Variants in SHOC2 observed in about 807,000 individuals in gnomAD.
SHOC2 encodes the protein SHOC2 leucine rich repeat scaffold protein.
A neutral mutation model predicts 50.2 loss-of-function variants in SHOC2; 4 were observed. That is an observed-to-expected ratio of 0.08 (90% CI 0.04 to 0.18). The LOEUF (loss-of-function observed/expected upper bound fraction) is 0.18, where lower values mean the gene tolerates loss of function less well. Ranked by LOEUF, SHOC2 falls within the 10% of genes least tolerant of loss-of-function variation. The probability of loss-of-function intolerance (pLI) is 1.00; values close to 1 mark genes in which losing one functional copy is unlikely to be tolerated. For synonymous variants in SHOC2, 218 were observed against 244.5 expected (o/e 0.89, Z 1.01); for missense variants, 388 against 669.6 (o/e 0.58, Z 4.64).
intron 1 of SHOC2, among the ~76,000 whole-genome samples, chr10:110,956,841 G>T (rs1005907738): frequency 1.3e-5 from 2 of 151,424 alleles, no homozygotes; most frequent in African/African-American, 4.9e-5. Flanking sequence ...AAAGTATTCC[G>T]TTTAATGTTC....
chr10:110,955,693 T>C (rs553972715), intron 1 of SHOC2, among the ~76,000 whole-genome samples: 1 of 152,346 alleles, frequency 6.6e-6, no homozygotes, highest in South Asian at 2.1e-4. Flanking sequence ...ATAATGTGAC[T>C]TTGTGTCATT....
At chr10:110,931,382 G>A (rs558188827) in intron 1 of SHOC2, among the ~76,000 whole-genome samples, 1 of 152,222 alleles carries the variant, frequency 6.6e-6, no homozygotes, top group African/African-American at 2.4e-5. Flanking sequence ...TTAATTGTGG[G>A]TGTTTTCTCA....
chr10:110,930,995 G>A (rs1293948742), intron 1 of SHOC2, among the ~76,000 whole-genome samples: 1 of 151,994 alleles, frequency 6.6e-6, no homozygotes, highest in African/African-American at 2.4e-5. Flanking sequence ...GGAATTTTCA[G>A]TTCTTTGCTC....
At chr10:110,924,243 CAG>C (rs1309193891) in intron 1 of SHOC2, among the ~76,000 whole-genome samples, 2 of 152,142 alleles carry the variant, frequency 1.3e-5, no homozygotes, top group Admixed American at 6.5e-5. Context: ...TCAGTAAGTT[CAG>C]AGTTTGTTGC....
chr10:110,957,428 T>G (rs941027102), intron 1 of SHOC2, among the ~76,000 whole-genome samples: 27 of 152,170 alleles, frequency 1.8e-4, no homozygotes, highest in African/African-American at 6.3e-4. Flanking sequence ...ACTCTTTGAC[T>G]TAACATAGTT....
intron 3 of SHOC2, among the ~76,000 whole-genome samples, chr10:110,999,864 G>A (rs926251301): frequency 6.6e-6 from 1 of 151,840 alleles, no homozygotes; most frequent in African/African-American, 2.4e-5. Flanking sequence ...CTTTCACTTT[G>A]GTTTGTAAGT....
chr10:111,005,144 C>T (rs1375620348), intron 5 of SHOC2, among the ~76,000 whole-genome samples: 1 of 152,056 alleles, frequency 6.6e-6, no homozygotes, highest in African/African-American at 2.4e-5. Flanking sequence ...TAAAAATTAG[C>T]TGGCCTGTGG....
rs764311529 is a variant in SHOC2 at position 110,986,787 on chromosome 10, AT to A, written c.841+1026del. Among the ~76,000 whole-genome samples, 188 of 152,180 alleles carry A rather than the reference AT, an allele frequency of 1.2e-3. 1 individual carries two copies. The highest frequency in any genetic ancestry group is 3.4e-3 in the Middle Eastern group (1 of 294). On this transcript the variant is annotated intron_variant, in intron 3 of 8. Coordinates refer to ENST00000369452, the MANE Select transcript of SHOC2 (RefSeq NM_007373.4). The stretch of plus-strand genomic sequence containing the variant: ...CACCGTGCTTGGTCCAGTCATGAAT[AT>A]TTTAGAGGCATGATTACTAAATCAT...
chr10:111,009,535 C>T, intron 7 of SHOC2, 150 bp downstream of exon 7: 1 of 840,620 alleles, frequency 1.2e-6, no homozygotes, highest in Non-Finnish European at 1.9e-6. Flanking sequence ...TATAACCTGG[C>T]TTTGTTTTCC....
At chr10:110,996,735 A>G (rs148405893) in intron 3 of SHOC2, among the ~76,000 whole-genome samples, 12 of 152,260 alleles carry the variant, frequency 7.9e-5, no homozygotes, top group African/African-American at 2.9e-4. Context: ...ATGTTTCTCA[A>G]TTTTTGCTTT....
chr10:110,954,939 G>A lies in SHOC2; in HGVS notation c.-234-9186G>A, dbSNP rs555956768. ...TAAGCCAGTGAGAGATTGGTAAGAG[G>A]TAAGGTTGAAGAGACAGGCAGGGAA... is the stretch of plus-strand genomic sequence containing the variant. On this transcript the variant is annotated intron_variant, in intron 1 of 8. Transcript: ENST00000369452. 2.4e-4 allele frequency among the ~76,000 whole-genome samples: 36 copies of A among 152,244 alleles called. No individual in the cohort carries two copies. In the South Asian group the frequency reaches 7.3e-3, roughly 31 times the overall value.
chr10:111,006,753 A>G (rs774153389), intron 5 of SHOC2, among the ~76,000 whole-genome samples: 20 of 152,196 alleles, frequency 1.3e-4, no homozygotes, highest in Admixed American at 9.2e-4. Context: ...ACATACTGAC[A>G]TACATTGTTG....
chr10:110,941,681 G>C (rs1847148244), intron 1 of SHOC2, among the ~76,000 whole-genome samples: 1 of 151,922 alleles, frequency 6.6e-6, no homozygotes, highest in Non-Finnish European at 1.5e-5. Context: ...TCGAATACAT[G>C]GTTTGCAAAT....
intron 3 of SHOC2, among the ~76,000 whole-genome samples, chr10:110,992,281 G>A (rs1483810813): frequency 1.3e-5 from 2 of 152,146 alleles, no homozygotes; most frequent in African/African-American, 4.8e-5. Context: ...AAGTAAGAGA[G>A]TGCTTAAATA....
chr10:110,993,327 A>G (rs1392551660), intron 3 of SHOC2, among the ~76,000 whole-genome samples: 1 of 152,234 alleles, frequency 6.6e-6, no homozygotes, highest in Non-Finnish European at 1.5e-5. Flanking sequence ...GGTGAATCAC[A>G]ATAAATGCCA....
chr10:111,011,738 C>T lies in SHOC2; in HGVS notation c.1669C>T (p.Pro557Ser), dbSNP rs761448239. ...SIENCPLSHL[P>S]PQIVAGGPSF... The stretch of plus-strand genomic sequence containing the variant: ...TGAGAACTGTCCACTCAGTCACCTT[C>T]CACCTCAGATTGTTGCTGGGGGGCC... The change falls in exon 9 of 9, where the codon CCA (proline) becomes TCA (serine). Residue 557 changes from proline to serine, a missense_variant. Transcript: ENST00000369452. 1 of 1,614,008 alleles carries T rather than the reference C, an allele frequency of 6.2e-7. No individual in the cohort carries two copies. Among genetic ancestry groups the T allele is most frequent in the South Asian group, 1.1e-5 (1 of 91,082 alleles).
At chr10:110,991,419 C>T (rs1188183779) in intron 3 of SHOC2, among the ~76,000 whole-genome samples, 1 of 152,046 alleles carries the variant, frequency 6.6e-6, no homozygotes, top group Non-Finnish European at 1.5e-5. Flanking sequence ...GGCCAGATTA[C>T]AGTATTACAA....
upstream of SHOC2, chr10:110,919,582 C>A: frequency 2.6e-6 from 1 of 391,838 alleles, no homozygotes. Flanking sequence ...GGTTGGGCAG[C>A]GTCGCTTCTT....
At chr10:111,008,530 G>T (rs527981024) in intron 6 of SHOC2, among the ~76,000 whole-genome samples, 1 of 152,110 alleles carries the variant, frequency 6.6e-6, no homozygotes. Context: ...TTGTAGAGTT[G>T]TAGTTAGGAT....
Sources: allele counts gnomAD v4.1 joint callset (sites outside exome capture counted in the v4.1 genomes callset), GRCh38; gene constraint gnomAD v4.1.1; transcripts MANE v1.5; gene names NCBI Gene and HGNC (gene_info 2026-07-23, HGNC 2026-07-21).